Variants in DHRS3 observed in about 807,000 individuals in gnomAD.
The protein encoded by DHRS3 is short-chain dehydrogenase/reductase 3.
A neutral mutation model predicts 27.2 loss-of-function variants in DHRS3; 14 were observed. That is an observed-to-expected ratio of 0.52 (90% CI 0.34 to 0.81). DHRS3 has a LOEUF of 0.81. DHRS3 is among the 30% of genes least tolerant of loss of function. DHRS3 has a pLI of 0.01. For missense variants in DHRS3, 322 were observed against 406.2 expected, an observed-to-expected ratio of 0.79 and a Z score of 1.78; for synonymous variants, 165 against 175.9, an observed-to-expected ratio of 0.94 and a Z score of 0.49.
chr1:12,573,288 C>A (rs941331665), intron 4 of DHRS3, among the ~76,000 whole-genome samples: 1 of 152,250 alleles, frequency 6.6e-6, no homozygotes, highest in Non-Finnish European at 1.5e-5. Flanking sequence ...GCCTGGCTCT[C>A]TCCTCCCAGC....
At position 12,574,745 on chromosome 1, in the gene DHRS3, G is replaced by A. The variant is rs1646570348; in HGVS notation, c.699-1892C>T. ...CAGAGGAGGCCTCAAGCACGTCTGTGCGCAGGATTTTCTCCTTCCTCTCCA... is the reference window on the plus strand; with the variant it reads ...CAGAGGAGGCCTCAAGCACGTCTGTACGCAGGATTTTCTCCTTCCTCTCCA... On this transcript the variant is annotated intron_variant, in intron 4 of 5. Transcript: ENST00000616661. The surrounding 1 kb of genome is among the most constrained non-coding windows in gnomAD (Gnocchi z 4.6). 6.6e-6 allele frequency among the ~76,000 whole-genome samples: 1 copy of A among 152,234 alleles called. No individual in the cohort carries two copies. The highest frequency in any genetic ancestry group is 1.5e-5 in the Non-Finnish European group (1 of 68,044).
intron 1 of DHRS3, among the ~76,000 whole-genome samples, chr1:12,612,499 C>T (rs532157380): frequency 6.6e-6 from 1 of 152,304 alleles, no homozygotes; most frequent in East Asian, 1.9e-4. Context: ...TTGTCACACC[C>T]CTTCTGGTTG....
chr1:12,576,244 C>T (rs1646585766), intron 4 of DHRS3, among the ~76,000 whole-genome samples: 1 of 152,140 alleles, frequency 6.6e-6, no homozygotes, highest in Admixed American at 6.6e-5. Flanking sequence ...CTGCTTGCTT[C>T]TGTGCTCAGG....
chr1:12,617,298 G>C lies in DHRS3; in HGVS notation c.51C>G (p.Ile17Met). 6.2e-7 allele frequency: 1 copy of C among 1,613,644 alleles called. No homozygotes were observed. Among genetic ancestry groups the C allele is most frequent in the Non-Finnish European group, 8.5e-7 (1 of 1,179,870 alleles). ...CGACGGCTGCTTTCACCACCAGATA[G>C]ATCATCTGTAGAGGGAACATCACCA... ...GALVMFPLQM[I>M]YLVVKAAVGL... is the part of the protein sequence containing the mutation. The change falls in exon 1 of 6, where the codon ATC (isoleucine) becomes ATG (methionine). Residue 17 changes from isoleucine (I) to methionine (M), a missense_variant. Coordinates refer to ENST00000616661, the MANE Select transcript of DHRS3 (RefSeq NM_004753.7).
intron 1 of DHRS3, among the ~76,000 whole-genome samples, chr1:12,588,141 C>A (rs1168450838): frequency 1.3e-5 from 2 of 152,208 alleles, no homozygotes; most frequent in Non-Finnish European, 2.9e-5. Context: ...TTCTCTGTTT[C>A]AAATGCCAGG....
At chr1:12,613,367 T>C (rs2100728736) in intron 1 of DHRS3, among the ~76,000 whole-genome samples, 1 of 152,352 alleles carries the variant, frequency 6.6e-6, no homozygotes, top group African/African-American at 2.4e-5. Flanking sequence ...AGATGGTGAC[T>C]TGTGCCTTCA....
chr1:12,600,829 G>A (rs557171868), intron 1 of DHRS3, among the ~76,000 whole-genome samples: 18 of 152,226 alleles, frequency 1.2e-4, no homozygotes, highest in South Asian at 2.1e-4. Flanking sequence ...TCTATCTATC[G>A]TCTAGAAAAG....
At chr1:12,615,491 T>C (rs1426764492) in intron 1 of DHRS3, among the ~76,000 whole-genome samples, 1 of 152,180 alleles carries the variant, frequency 6.6e-6, no homozygotes, top group Non-Finnish European at 1.5e-5. Flanking sequence ...CCCAATGCCA[T>C]ACACTTCTTT....
chr1:12,587,721 CA>C (rs1205037758), intron 1 of DHRS3, among the ~76,000 whole-genome samples: 21 of 132,104 alleles, frequency 1.6e-4, no homozygotes, highest in East Asian at 1.3e-3. Flanking sequence ...AAACAAAAAC[CA>C]AAAAACAAAA....
intron 4 of DHRS3, among the ~76,000 whole-genome samples, chr1:12,573,515 A>G (rs1646557842): frequency 6.6e-6 from 1 of 152,232 alleles, no homozygotes; most frequent in Admixed American, 6.5e-5. Flanking sequence ...CATCTGATAC[A>G]TAGTATGTGC....
intron 4 of DHRS3, among the ~76,000 whole-genome samples, chr1:12,577,778 G>A (rs1461895429): frequency 6.6e-6 from 1 of 152,144 alleles, no homozygotes; most frequent in Non-Finnish European, 1.5e-5. Flanking sequence ...AGCCGAGATC[G>A]CGCCACTGCA....
rs974616482 is a variant in DHRS3, at chr1:12,586,397, C to G, written c.196-5731G>C. Among the ~76,000 whole-genome samples, 1 of 152,202 alleles carries G rather than the reference C, an allele frequency of 6.6e-6. No individual in the cohort carries two copies. The highest frequency in any genetic ancestry group is 1.9e-4 in the East Asian group (1 of 5,178). On this transcript the variant is annotated intron_variant, in intron 1 of 5. Coordinates refer to ENST00000616661, the MANE Select transcript of DHRS3 (RefSeq NM_004753.7). This position sits in a 1 kb window ranked among gnomAD's most constrained non-coding sequence, Gnocchi z 5.0. Reference sequence around the variant, plus strand: ...TCTCCTCACATGCAACCCCACGCCCCGCGTTCATCCCCACCCAGCCAGCCT... The same window carrying G: ...TCTCCTCACATGCAACCCCACGCCCGGCGTTCATCCCCACCCAGCCAGCCT...
At chr1:12,613,334 T>C (rs75865096) in intron 1 of DHRS3, among the ~76,000 whole-genome samples, 1,748 of 152,356 alleles carry the variant, frequency 0.011, 31 homozygotes, top group African/African-American at 0.04. Context: ...TAATTGGTCA[T>C]GGTAACCACA....
intron 1 of DHRS3, among the ~76,000 whole-genome samples, chr1:12,605,651 T>C (rs1033343455): frequency 6.6e-6 from 1 of 152,168 alleles, no homozygotes; most frequent in African/African-American, 2.4e-5. Flanking sequence ...TGTTATAACA[T>C]GACTAAATGG....
At chr1:12,585,625 T>C (rs1646690948) in intron 1 of DHRS3, among the ~76,000 whole-genome samples, 1 of 152,184 alleles carries the variant, frequency 6.6e-6, no homozygotes, top group Admixed American at 6.5e-5. Context: ...CCTTCCTGGC[T>C]CCTCTTCCCC....
At position 12,592,982 on chromosome 1, in the gene DHRS3, C is replaced by T. The variant is rs1218895843; in HGVS notation, c.196-12316G>A. Among the ~76,000 whole-genome samples the T allele has an allele frequency of 6.6e-6, 1 of 152,242 alleles. No homozygotes were observed. Among genetic ancestry groups the T allele is most frequent in the Admixed American group, 6.5e-5 (1 of 15,290 alleles). On this transcript the variant is annotated intron_variant, in intron 1 of 5. Transcript: ENST00000616661. This position sits in a 1 kb window ranked among gnomAD's most constrained non-coding sequence, Gnocchi z 4.2. ...CCTCCACGGCGCCTTGGGGCCCTGC[C>T]TCAGCGCCCTTCACCTGGAGCACAA...
chr1:12,580,487 A>G, intron 2 of DHRS3, 36 bp downstream of exon 2: 1 of 1,614,050 alleles, frequency 6.2e-7, no homozygotes, highest in Non-Finnish European at 8.5e-7. Flanking sequence ...GCCTGTGGTC[A>G]GCTGTGCTAG....
chr1:12,600,498 A>G, intron 1 of DHRS3: 1 of 618,010 alleles, frequency 1.6e-6, no homozygotes, highest in East Asian at 1.4e-4. Flanking sequence ...CCAAGGGTGG[A>G]CAGACGCCAT....
In DHRS3 at chr1:12,586,854, G is replaced by A. The variant is rs1479475423; in HGVS notation, c.196-6188C>T. Among the ~76,000 whole-genome samples, 1 of 152,120 alleles carries A rather than the reference G, an allele frequency of 6.6e-6. No homozygotes were observed. The highest frequency in any genetic ancestry group is 1.5e-5 in the Non-Finnish European group (1 of 68,032). ...AGAAAGCACATCTCCTCTCTTCAAG[G>A]GGTCCTGTGGGGATTAAGCTGGCAG... On this transcript the variant is annotated intron_variant, in intron 1 of 5. Transcript: ENST00000616661. The surrounding 1 kb of genome is among the most constrained non-coding windows in gnomAD (Gnocchi z 5.0).
Sources: gnomAD v4.1 joint callset for allele counts (sites outside exome capture counted in the v4.1 genomes callset) on GRCh38, gnomAD v4.1.1 for gene constraint, Gnocchi (gnomAD v3.1) non-coding constraint, MANE v1.5 for transcripts, NCBI Gene and HGNC (gene_info 2026-07-23, HGNC 2026-07-21) for gene names.